The following INPP5A variants were observed in gnomAD, a reference collection of about 807,000 sequenced individuals.
INPP5A encodes the protein inositol polyphosphate-5-phosphatase A, also known as 43 kDa inositol polyphosphate 5-phophatase.
INPP5A carries 14 observed loss-of-function variants against 65.2 expected under a neutral mutation model. The ratio of observed to expected loss-of-function variants is 0.21; its 90% confidence interval spans 0.14 to 0.34. The LOEUF (loss-of-function observed/expected upper bound fraction) is 0.34. Among genes scored for constraint, INPP5A ranks in the 10% least tolerant of loss-of-function variants. The pLI is 1.00. For missense variants in INPP5A, 431 were observed against 545.6 expected (o/e 0.79, Z 2.09); for synonymous variants, 207 against 208.3 (o/e 0.99, Z 0.05).
intron 12 of INPP5A, among the ~76,000 whole-genome samples, chr10:132,776,564 A>G (rs1287354438): frequency 1.3e-5 from 2 of 152,144 alleles, no homozygotes; most frequent in Non-Finnish European, 2.9e-5. Flanking sequence ...TAACTGAAAA[A>G]ACTCTTGAGA....
At chr10:132,653,300 T>G (rs1430024415) in intron 4 of INPP5A, among the ~76,000 whole-genome samples, 1 of 152,010 alleles carries the variant, frequency 6.6e-6, no homozygotes, top group Non-Finnish European at 1.5e-5. Flanking sequence ...CCTGGCTACC[T>G]TCTTCAGGCC....
chr10:132,734,534 CTG>C (rs1846142950), intron 9 of INPP5A, among the ~76,000 whole-genome samples: 1 of 152,234 alleles, frequency 6.6e-6, no homozygotes, highest in African/African-American at 2.4e-5. Context: ...CTGTGGATGG[CTG>C]AGGTTCTGGG....
At chr10:132,563,260 G>T (rs2071227720) in intron 1 of INPP5A, among the ~76,000 whole-genome samples, 1 of 152,194 alleles carries the variant, frequency 6.6e-6, no homozygotes, top group Non-Finnish European at 1.5e-5. Context: ...GGGGCTGGCG[G>T]TGGCATTGGC....
At chr10:132,766,692 G>A (rs1293667407) in intron 12 of INPP5A, among the ~76,000 whole-genome samples, 1 of 152,150 alleles carries the variant, frequency 6.6e-6, no homozygotes, top group Non-Finnish European at 1.5e-5. Context: ...ACATGTGTGT[G>A]TGTTCACGCG....
chr10:132,721,674 A>AG (rs759377006), intron 8 of INPP5A, among the ~76,000 whole-genome samples: 2 of 149,706 alleles, frequency 1.3e-5, no homozygotes, highest in Non-Finnish European at 3.0e-5. Flanking sequence ...TGGGCACCTT[A>AG]GACAGCTGTC....
At chr10:132,656,568 C>G (rs115664285) in intron 4 of INPP5A, among the ~76,000 whole-genome samples, 2,871 of 152,212 alleles carry the variant, frequency 0.019, 93 homozygotes, top group African/African-American at 0.064. Flanking sequence ...GTTGGAGGAG[C>G]GGCTGGGGAC....
intron 9 of INPP5A, among the ~76,000 whole-genome samples, chr10:132,745,508 G>A (rs964042359): frequency 2.7e-5 from 4 of 148,230 alleles, no homozygotes; most frequent in Non-Finnish European, 4.6e-5. Context: ...AGTCCGGGCA[G>A]CATCTGTGCT....
intron 2 of INPP5A, among the ~76,000 whole-genome samples, chr10:132,624,874 G>A (rs920538297): frequency 1.9e-4 from 28 of 147,494 alleles, no homozygotes; most frequent in African/African-American, 4.8e-4. Flanking sequence ...CCATGCCGCC[G>A]GTGCCAGGGC....
intron 2 of INPP5A, among the ~76,000 whole-genome samples, chr10:132,610,687 A>AT (rs2071934103): frequency 1.3e-5 from 2 of 152,318 alleles, no homozygotes; most frequent in South Asian, 4.1e-4. Flanking sequence ...AGCCATCCAC[A>AT]TCCCACTGAT....
intron 1 of INPP5A, among the ~76,000 whole-genome samples, chr10:132,606,895 C>G (rs1243715517): frequency 6.6e-6 from 1 of 152,228 alleles, no homozygotes; most frequent in African/African-American, 2.4e-5. Flanking sequence ...TGTGCAGTTC[C>G]TTAGTGCTAA....
At chr10:132,757,222 G>T (rs916283117) in intron 11 of INPP5A, among the ~76,000 whole-genome samples, 7 of 152,144 alleles carry the variant, frequency 4.6e-5, no homozygotes, top group Non-Finnish European at 1.0e-4. Context: ...CTCAGCGCTG[G>T]GCATTTCTAA....
intron 3 of INPP5A, among the ~76,000 whole-genome samples, chr10:132,648,743 T>A (rs566275492): frequency 6.6e-6 from 1 of 152,344 alleles, no homozygotes; most frequent in Admixed American, 6.5e-5. Flanking sequence ...AATCTCGCCA[T>A]TGTTCTCTCT....
intron 11 of INPP5A, among the ~76,000 whole-genome samples, chr10:132,750,884 G>T (rs891549958): frequency 2.0e-5 from 3 of 152,222 alleles, no homozygotes; most frequent in Non-Finnish European, 2.9e-5. Flanking sequence ...GCACAGGCGG[G>T]TAGACCCAGG....
chr10:132,735,987 C>G (rs902683311), intron 9 of INPP5A, among the ~76,000 whole-genome samples: 3 of 152,324 alleles, frequency 2.0e-5, no homozygotes, highest in East Asian at 3.9e-4. Flanking sequence ...AAGAGACTGT[C>G]CCCCAGGAAT....
intron 4 of INPP5A, among the ~76,000 whole-genome samples, chr10:132,670,069 C>T (rs1319471286): frequency 2.0e-5 from 3 of 150,236 alleles, no homozygotes; most frequent in African/African-American, 7.4e-5. Flanking sequence ...TTCTCAGCCC[C>T]CATGTCCTCA....
At chr10:132,729,667 G>A (rs967783636) in intron 9 of INPP5A, among the ~76,000 whole-genome samples, 5 of 152,222 alleles carry the variant, frequency 3.3e-5, no homozygotes, top group Admixed American at 6.5e-5. Context: ...AGCCCTCTGC[G>A]CTGCTGAAGG....
intron 4 of INPP5A, among the ~76,000 whole-genome samples, chr10:132,686,908 T>G (rs1590925540): frequency 6.6e-6 from 1 of 152,364 alleles, no homozygotes; most frequent in South Asian, 2.1e-4. Context: ...GAAACTCTAT[T>G]TTGCCAAAGA....
chr10:132,694,367 C>T (rs780596982), intron 5 of INPP5A, among the ~76,000 whole-genome samples: 4 of 151,750 alleles, frequency 2.6e-5, no homozygotes, highest in Non-Finnish European at 5.9e-5. Context: ...GGGATATTAG[C>T]AAAAGTAATG....
rs575571265 is a variant in INPP5A at position 132,671,915 on chromosome 10, G to A, written c.307-18477G>A. 2.9e-4 allele frequency among the ~76,000 whole-genome samples: 44 copies of A among 152,312 alleles called. 1 individual carries two copies. The highest frequency in any genetic ancestry group is 1.2e-3 in the Admixed American group (18 of 15,302). The stretch of plus-strand genomic sequence containing the variant: ...TGCTCTGCTCTCAGAAGGGGACAGC[G>A]CAGGAAAGGCCAGCTTCAGCCAGGG... On this transcript the variant is annotated intron_variant, in intron 4 of 15. Transcript: ENST00000368594.
Sources: gnomAD v4.1 joint callset for allele counts (sites outside exome capture counted in the v4.1 genomes callset) on GRCh38, gnomAD v4.1.1 for gene constraint, MANE v1.5 for transcripts, NCBI Gene and HGNC (gene_info 2026-07-23, HGNC 2026-07-21) for gene names.